The following RFX3 variants were observed in gnomAD, a reference collection of about 807,000 sequenced individuals.
RFX3 encodes the protein regulatory factor X3.
In RFX3, 14 loss-of-function variants were observed where a neutral mutation model predicts 98.6. The ratio of observed to expected loss-of-function variants is 0.14; its 90% CI spans 0.09 to 0.22. The LOEUF is 0.22. Ranked by LOEUF, RFX3 falls within the 10% of genes least tolerant of loss-of-function variation. RFX3 has a pLI of 1.00. For missense variants in RFX3, 639 were observed against 926.9 expected, an observed-to-expected ratio of 0.69 and a Z score of 4.03; for synonymous variants, 383 against 328.4, an observed-to-expected ratio of 1.17 and a Z score of -1.80.
intron 3 of RFX3, among the ~76,000 whole-genome samples, chr9:3,331,150 A>G (rs1009050851): frequency 6.6e-6 from 1 of 152,162 alleles, no homozygotes; most frequent in Non-Finnish European, 1.5e-5. Context: ...ACTTTCCAAC[A>G]ACTACAGTCA....
intron 5 of RFX3, among the ~76,000 whole-genome samples, chr9:3,295,712 T>C (rs139679651): frequency 0.011 from 1,608 of 152,236 alleles, 16 homozygotes; most frequent in African/African-American, 0.021. Flanking sequence ...AAAGGTATAA[T>C]AGCATGATTT....
At chr9:3,480,250 G>C (rs1478900598) in intron 1 of RFX3, among the ~76,000 whole-genome samples, 5 of 152,160 alleles carry the variant, frequency 3.3e-5, no homozygotes, top group African/African-American at 1.2e-4. Flanking sequence ...AGATCAGCTA[G>C]GATACTAGCA....
At chr9:3,365,104 A>T (rs370385972) in intron 2 of RFX3, among the ~76,000 whole-genome samples, 46 of 152,266 alleles carry the variant, frequency 3.0e-4, no homozygotes, top group African/African-American at 1.1e-3. Flanking sequence ...GATCGAGACC[A>T]TCCTGGCCAA....
At chr9:3,226,024 T>C (rs1817721878) in intron 16 of RFX3, among the ~76,000 whole-genome samples, 1 of 152,184 alleles carries the variant, frequency 6.6e-6, no homozygotes, top group African/African-American at 2.4e-5. Context: ...AGCATCATTA[T>C]AATAGAATGC....
chr9:3,392,674 T>C (rs1840438188), intron 2 of RFX3, among the ~76,000 whole-genome samples: 1 of 151,950 alleles, frequency 6.6e-6, no homozygotes, highest in South Asian at 2.1e-4. Context: ...TCAATGCACA[T>C]CATCATAAAG....
chr9:3,505,791 T>C (rs1817030582), intron 1 of RFX3, among the ~76,000 whole-genome samples: 1 of 149,776 alleles, frequency 6.7e-6, no homozygotes, highest in Non-Finnish European at 1.5e-5. Flanking sequence ...TCTACCCCCC[T>C]GCTTCTCACA....
At chr9:3,517,459 C>G (rs1818291371) in intron 1 of RFX3, among the ~76,000 whole-genome samples, 1 of 152,166 alleles carries the variant, frequency 6.6e-6, no homozygotes. Context: ...CTGTCTCACT[C>G]TATTAGTTTT....
At chr9:3,524,597 T>C (rs1227166757) in intron 1 of RFX3, 1 of 979,700 alleles carries the variant, frequency 1.0e-6, no homozygotes, top group Non-Finnish European at 1.2e-6. Flanking sequence ...CTGTCACAAA[T>C]AACACTGTGA....
intron 14 of RFX3, among the ~76,000 whole-genome samples, chr9:3,254,273 G>GAA (rs79171644): frequency 3.8e-5 from 5 of 132,034 alleles, no homozygotes; most frequent in Non-Finnish European, 8.2e-5. Flanking sequence ...CTAAATATAG[G>GAA]AAAAAAAAAA....
intron 1 of RFX3, among the ~76,000 whole-genome samples, chr9:3,509,782 C>T (rs1417826592): frequency 6.7e-6 from 1 of 148,604 alleles, no homozygotes; most frequent in South Asian, 2.1e-4. Flanking sequence ...AAAGGCAGTA[C>T]ATTTGAGTTC....
intron 1 of RFX3, among the ~76,000 whole-genome samples, chr9:3,456,919 C>A (rs775968268): frequency 6.6e-6 from 1 of 151,784 alleles, no homozygotes; most frequent in Admixed American, 6.6e-5. Context: ...GAGGCTGAGG[C>A]GGGTGGATCA....
rs928554462 is a variant in RFX3, at chr9:3,525,817, AGAG to A, written c.-82_-80del. On this transcript the variant is annotated 5_prime_UTR_variant, in exon 1 of 17. Coordinates refer to ENST00000617270, the MANE Select transcript of RFX3 (RefSeq NM_001282116.2). ...GTGGTGGTGGGGAGGAGGAGGAGGAAGAGGAGGAGGAGGAGGAGAGGAGTAGTT... is the reference window on the plus strand; with the variant it reads ...GTGGTGGTGGGGAGGAGGAGGAGGAAGAGGAGGAGGAGGAGAGGAGTAGTT... The A allele has an allele frequency of 5.7e-3, 4,508 of 786,086 alleles. No individual in the cohort carries two copies. Among genetic ancestry groups the A allele is most frequent in the Middle Eastern group, 6.4e-3 (10 of 1,574 alleles). The allele number at this position is 786,086 out of a possible 1,614,324, so 48.7% of individuals were successfully genotyped here.
chr9:3,457,165 A>AG, intron 1 of RFX3, among the ~76,000 whole-genome samples: 1 of 148,838 alleles, frequency 6.7e-6, no homozygotes, highest in South Asian at 2.1e-4. Flanking sequence ...AAAAAAAAAA[A>AG]AAAAAGAAAA....
rs377035554 is a variant in RFX3, at chr9:3,513,605, C to A, written c.-9+12142G>T. 3.0e-4 allele frequency among the ~76,000 whole-genome samples: 46 copies of A among 152,242 alleles called. No individual in the cohort carries two copies. The East Asian group carries it at 6.2e-3, about 20-fold the overall frequency. Reference sequence around the variant, plus strand: ...CACATTTTAATAGAGAGGCTTACATCATTAAAGAAGGAAGTCTTTACTTCA... The same window carrying A: ...CACATTTTAATAGAGAGGCTTACATAATTAAAGAAGGAAGTCTTTACTTCA... On this transcript the variant is annotated intron_variant, in intron 1 of 16. Coordinates refer to ENST00000617270, the MANE Select transcript of RFX3 (RefSeq NM_001282116.2).
chr9:3,316,184 A>T (rs1449714655), intron 4 of RFX3, among the ~76,000 whole-genome samples: 1 of 152,198 alleles, frequency 6.6e-6, no homozygotes, highest in Non-Finnish European at 1.5e-5. Context: ...ACCACTATCA[A>T]GTTGGCTTCA....
chr9:3,408,612 T>A (rs1386119794), intron 1 of RFX3, among the ~76,000 whole-genome samples: 301 of 147,762 alleles, frequency 2.0e-3, no homozygotes, highest in East Asian at 9.9e-3. Context: ...TCTCTCTCTC[T>A]CACACACACA....
At chr9:3,520,218 T>C (rs974982090) in intron 1 of RFX3, among the ~76,000 whole-genome samples, 3 of 152,220 alleles carry the variant, frequency 2.0e-5, no homozygotes, top group Non-Finnish European at 4.4e-5. Flanking sequence ...AAACATAGTG[T>C]TACTTTAATA....
At chr9:3,454,891 T>A (rs1402316836) in intron 1 of RFX3, among the ~76,000 whole-genome samples, 2 of 152,214 alleles carry the variant, frequency 1.3e-5, no homozygotes, top group African/African-American at 2.4e-5. Context: ...ACAAGGCCAC[T>A]AAGCTACGAA....
chr9:3,369,596 A>C (rs1188798508), intron 2 of RFX3, among the ~76,000 whole-genome samples: 7 of 152,226 alleles, frequency 4.6e-5, no homozygotes, highest in Non-Finnish European at 1.0e-4. Context: ...GAAATGGTAG[A>C]AATTAAAATT....
Sources: gnomAD v4.1 joint callset for allele counts (sites outside exome capture counted in the v4.1 genomes callset) on GRCh38, gnomAD v4.1.1 for gene constraint, MANE v1.5 for transcripts, NCBI Gene and HGNC (gene_info 2026-07-23, HGNC 2026-07-21) for gene names.